Variants in MALRD1 observed in about 807,000 individuals in gnomAD.
The protein encoded by MALRD1 is MAM and LDL receptor class A domain containing 1.
In MALRD1, 247 loss-of-function variants were observed where a neutral mutation model predicts 242.1. That is an observed-to-expected ratio of 1.02 (90% CI 0.92 to 1.13). The LOEUF (loss-of-function observed/expected upper bound fraction) is 1.13. Among genes scored for constraint, MALRD1 ranks in the 50% most tolerant of loss-of-function variants. The probability of loss-of-function intolerance (pLI) is 0.00; values close to 1 mark genes in which losing one functional copy is unlikely to be tolerated. For synonymous variants in MALRD1, 995 were observed against 866.6 expected, an observed-to-expected ratio of 1.15 and a Z score of -2.60; for missense variants, 2,989 against 2,533.1, an observed-to-expected ratio of 1.18 and a Z score of -3.86.
intron 10 of MALRD1, among the ~76,000 whole-genome samples, chr10:19,144,506 C>A (rs1833663692): frequency 6.6e-6 from 1 of 152,162 alleles, no homozygotes; most frequent in Non-Finnish European, 1.5e-5. Context: ...AATATGTGGT[C>A]ATAAAATCAG....
At chr10:19,317,432 G>C (rs1842753667) in intron 21 of MALRD1, among the ~76,000 whole-genome samples, 1 of 151,880 alleles carries the variant, frequency 6.6e-6, no homozygotes, top group African/African-American at 2.4e-5. Context: ...TACAAATTTT[G>C]GGGTATGGAC....
chr10:19,295,462 G>T (rs113278833), intron 21 of MALRD1, among the ~76,000 whole-genome samples: 6 of 149,014 alleles, frequency 4.0e-5, no homozygotes, highest in Admixed American at 6.7e-5. Context: ...GTATGTTTTG[G>T]GTGTGTGTGT....
rs1838402366 is a variant in MALRD1, at chr10:19,237,625, T to TAA, written c.2992-20058_2992-20057dup. 5.8e-5 allele frequency among the ~76,000 whole-genome samples: 3 copies of TAA among 51,350 alleles called. No homozygotes were observed. In the Admixed American group the frequency reaches 1.4e-3, roughly 24 times the overall value. 33.7% of individuals were successfully genotyped at this position (51,350 alleles called of 152,430 possible). ...TTATAATTATAATTATATAATTATA[T>TAA]AATTATAATTATATATAAATTATTA... On this transcript the variant is annotated intron_variant, in intron 18 of 39. Transcript: ENST00000454679.
intron 31 of MALRD1, among the ~76,000 whole-genome samples, chr10:19,509,343 G>T (rs1833292599): frequency 6.6e-6 from 1 of 152,160 alleles, no homozygotes; most frequent in Admixed American, 6.5e-5. Context: ...TTTGGGTATG[G>T]TGTGATGAGT....
At chr10:19,368,200 C>G (rs1845188599) in intron 26 of MALRD1, among the ~76,000 whole-genome samples, 1 of 151,910 alleles carries the variant, frequency 6.6e-6, no homozygotes, top group Admixed American at 6.6e-5. Flanking sequence ...GAGTTCCCAG[C>G]CAAAACTCCT....
At chr10:19,529,784 C>T (rs1834269533) in intron 31 of MALRD1, among the ~76,000 whole-genome samples, 1 of 151,850 alleles carries the variant, frequency 6.6e-6, no homozygotes, top group South Asian at 2.1e-4. Context: ...AAACATATAC[C>T]ATGCTAACAT....
At chr10:19,085,277 G>A (rs1444937331) in intron 2 of MALRD1, among the ~76,000 whole-genome samples, 1 of 151,862 alleles carries the variant, frequency 6.6e-6, no homozygotes, top group Non-Finnish European at 1.5e-5. Context: ...GATGAAAAAT[G>A]TTCTCTGGAA....
chr10:19,213,643 G>A (rs555670132), intron 18 of MALRD1, among the ~76,000 whole-genome samples: 1 of 152,278 alleles, frequency 6.6e-6, no homozygotes, highest in South Asian at 2.1e-4. Context: ...CTCTGGATCG[G>A]TTCTGACTGA....
chr10:19,163,137 T>TAAAAAAAAAA lies in MALRD1; in HGVS notation c.1657-2481_1657-2472dup, dbSNP rs58034381. Among the ~76,000 whole-genome samples, 11 of 43,854 alleles carry TAAAAAAAAAA rather than the reference T, an allele frequency of 2.5e-4. 1 individual carries two copies. The highest frequency in any genetic ancestry group is 1.8e-3 in the South Asian group (1 of 566). The allele number at this position is 43,854 out of a possible 152,430, so 28.8% of individuals were successfully genotyped here. Reference sequence around the variant, plus strand: ...TGAACAACTGGAGTGAAACCCTGTCTAAAAAAAAAAAAAAAAAAAAAAAAA... The same window carrying TAAAAAAAAAA: ...TGAACAACTGGAGTGAAACCCTGTCTAAAAAAAAAAAAAAAAAAAAAAAAAAAAAAAAAAA... On this transcript the variant is annotated intron_variant, in intron 12 of 39. Transcript: ENST00000454679.
At chr10:19,335,269 A>G (rs1017502580) in intron 24 of MALRD1, among the ~76,000 whole-genome samples, 7 of 151,712 alleles carry the variant, frequency 4.6e-5, no homozygotes, top group African/African-American at 1.7e-4. Flanking sequence ...TTAGTTCCAA[A>G]TAATGCATAG....
Position 19,692,536 on chromosome 10 carries a change from A to G in MALRD1, c.6296A>G (p.Asn2099Ser). The change falls in exon 38 of 40, where the codon AAC becomes AGC. Residue 2099 changes from asparagine (N) to serine (S), a missense_variant. Physicochemically the swap from Asn to Ser is conservative, Grantham distance 46 (BLOSUM62 1). Transcript: ENST00000454679. The part of the protein sequence containing the change: ...ITVAVLCFLA[N>S]RKVPIRKTEG... ...GTTGCAGTCTTGTGTTTTCTTGCAA[A>G]CAGAAAGGTACCAATAAGGTAAGTG... 1 of 1,535,534 alleles carries G rather than the reference A, an allele frequency of 6.5e-7. No individual in the cohort carries two copies. Among genetic ancestry groups the G allele is most frequent in the Non-Finnish European group, 8.7e-7 (1 of 1,146,310 alleles).
intron 18 of MALRD1, among the ~76,000 whole-genome samples, chr10:19,217,197 A>G (rs1374342460): frequency 1.3e-5 from 2 of 152,084 alleles, no homozygotes; most frequent in African/African-American, 4.8e-5. Flanking sequence ...CTTAAAACCC[A>G]TTGGTGGCTT....
At chr10:19,714,909 C>A (rs1834312843) in intron 38 of MALRD1, among the ~76,000 whole-genome samples, 1 of 152,034 alleles carries the variant, frequency 6.6e-6, no homozygotes, top group South Asian at 2.1e-4. Flanking sequence ...GCACAACAGG[C>A]CCATAAATAG....
chr10:19,205,705 G>C (rs72786550), intron 17 of MALRD1, among the ~76,000 whole-genome samples: 9,914 of 152,026 alleles, frequency 0.065, 425 homozygotes, highest in Middle Eastern at 0.11. Context: ...CTGAGATGTG[G>C]CTGCAAGGCA....
chr10:19,292,892 C>CAAA (rs57002523), intron 21 of MALRD1, among the ~76,000 whole-genome samples: 1,938 of 72,702 alleles, frequency 0.027, 80 homozygotes, highest in African/African-American at 0.079. Flanking sequence ...GACTCTGCCT[C>CAAA]AAAAAAAAAA....
chr10:19,103,566 T>TAAAAATA lies in MALRD1; in HGVS notation c.598-410_598-409insAATAAAA, dbSNP rs1349573768. Reference sequence around the variant, plus strand: ...GACTCCGTCTCAAAAAAAAAAAAAATAAATAAAGATTTAGAGAACCAAAGG... The same window carrying TAAAAATA: ...GACTCCGTCTCAAAAAAAAAAAAAATAAAAATAAAATAAAGATTTAGAGAACCAAAGG... On this transcript the variant is annotated intron_variant, in intron 4 of 39. Transcript: ENST00000454679. Among the ~76,000 whole-genome samples, 4 of 139,448 alleles carry TAAAAATA rather than the reference T, an allele frequency of 2.9e-5. No homozygotes were observed. The East Asian group carries it at 9.2e-4, about 32-fold the overall frequency. The allele number at this position is 139,448 out of a possible 152,430, so 91.5% of individuals were successfully genotyped here. A position where few individuals can be genotyped will look rare whatever the true frequency, so the allele number is the denominator to read the frequency against.
intron 14 of MALRD1, among the ~76,000 whole-genome samples, chr10:19,189,444 AT>A (rs1835881753): frequency 2.0e-5 from 3 of 152,152 alleles, no homozygotes; most frequent in Admixed American, 2.0e-4. Flanking sequence ...GACAAGGAAT[AT>A]TTTCTAACTT....
intron 34 of MALRD1, among the ~76,000 whole-genome samples, 173 bp from the exon 35 acceptor site, chr10:19,607,604 T>G (rs1838699562): frequency 1.3e-5 from 2 of 152,250 alleles, no homozygotes; most frequent in South Asian, 4.1e-4. Flanking sequence ...TCAGACATTT[T>G]TAAGTTAATC....
intron 19 of MALRD1, among the ~76,000 whole-genome samples, chr10:19,261,865 T>A (rs1174180444): frequency 6.6e-6 from 1 of 151,652 alleles, no homozygotes; most frequent in East Asian, 1.9e-4. Context: ...TTTGACTTTC[T>A]TCTTAAACTT....
Sources: gnomAD v4.1 joint callset for allele counts (sites outside exome capture counted in the v4.1 genomes callset) on GRCh38, gnomAD v4.1.1 for gene constraint, MANE v1.5 for transcripts, NCBI Gene and HGNC (gene_info 2026-07-23, HGNC 2026-07-21) for gene names.